The following PRKN variants were observed in gnomAD, a reference collection of about 807,000 sequenced individuals.
PRKN encodes E3 ubiquitin-protein ligase parkin.
In PRKN, 56 loss-of-function variants were observed where a neutral mutation model predicts 59.5. The ratio of observed to expected loss-of-function variants is 0.94; its 90% CI spans 0.76 to 1.18. PRKN has a LOEUF of 1.18. Ranked by LOEUF, PRKN falls within the 50% of genes most tolerant of loss-of-function variation. PRKN has a pLI of 0.00. For missense variants in PRKN, 657 were observed against 596.4 expected, an observed-to-expected ratio of 1.10 and a Z score of -1.06; for synonymous variants, 250 against 222.1, an observed-to-expected ratio of 1.13 and a Z score of -1.12.
intron 4 of PRKN, among the ~76,000 whole-genome samples, chr6:162,128,265 A>T (rs1432302730): frequency 6.6e-6 from 1 of 152,196 alleles, no homozygotes; most frequent in Non-Finnish European, 1.5e-5. Context: ...AGTAAATGAA[A>T]GTGTGAAGTG....
intron 6 of PRKN, among the ~76,000 whole-genome samples, chr6:161,914,696 A>G (rs1391059867): frequency 1.3e-5 from 2 of 152,058 alleles, no homozygotes; most frequent in Non-Finnish European, 2.9e-5. Flanking sequence ...GGTTGGTACC[A>G]TGCAAACACT....
In PRKN at chr6:161,581,656, G is replaced by A. The variant is rs1205935058; in HGVS notation, c.872-12240C>T. Among the ~76,000 whole-genome samples the A allele has an allele frequency of 6.6e-6, 1 of 152,146 alleles. No individual in the cohort carries two copies. Among genetic ancestry groups the A allele is most frequent in the African/African-American group, 2.4e-5 (1 of 41,428 alleles). On this transcript the variant is annotated intron_variant, in intron 7 of 11. Coordinates refer to ENST00000366898, the MANE Select transcript of PRKN (RefSeq NM_004562.3). The surrounding 1 kb of genome is among the most constrained non-coding windows in gnomAD (Gnocchi z 4.5). ...GTGAGCAAGAGACAGGAAATAGAAT[G>A]GAAGAAATGAAGGAAAAATGGAATC...
rs1352033135 is a variant in PRKN, at chr6:161,395,003, G to A, written c.1084-8126C>T. Among the ~76,000 whole-genome samples, 1 of 152,024 alleles carries A rather than the reference G, an allele frequency of 6.6e-6. No individual in the cohort carries two copies. The highest frequency in any genetic ancestry group is 1.5e-5 in the Non-Finnish European group (1 of 68,010). On this transcript the variant is annotated intron_variant, in intron 9 of 11. Transcript: ENST00000366898. The surrounding 1 kb of genome is among the most constrained non-coding windows in gnomAD (Gnocchi z 5.0). ...ACTGAAATATCATTTGCAGAGTCAT[G>A]GATTTTTAAAAAGTAGGTATTCTTT...
At chr6:162,347,864 T>C (rs1330721953) in intron 2 of PRKN, among the ~76,000 whole-genome samples, 4 of 152,176 alleles carry the variant, frequency 2.6e-5, no homozygotes, top group African/African-American at 7.2e-5. Flanking sequence ...TAACAATCCC[T>C]AAGAGACAGA....
At chr6:162,693,238 G>C (rs1777844771) in intron 1 of PRKN, among the ~76,000 whole-genome samples, 1 of 152,170 alleles carries the variant, frequency 6.6e-6, no homozygotes, top group South Asian at 2.1e-4. Context: ...GGTCGTGCCT[G>C]AAGTAGCCAT....
intron 1 of PRKN, among the ~76,000 whole-genome samples, chr6:162,669,833 T>C (rs982564037): frequency 2.6e-5 from 4 of 152,284 alleles, no homozygotes; most frequent in Non-Finnish European, 4.4e-5. Context: ...TAAGAGATTA[T>C]AGGATTGAGG....
At chr6:162,134,533 G>T (rs1208440732) in intron 4 of PRKN, among the ~76,000 whole-genome samples, 1 of 152,136 alleles carries the variant, frequency 6.6e-6, no homozygotes, top group Non-Finnish European at 1.5e-5. Flanking sequence ...AATGGGCCCA[G>T]ACACTTCAAG....
intron 7 of PRKN, among the ~76,000 whole-genome samples, chr6:161,629,586 C>A (rs2128153928): frequency 6.6e-6 from 1 of 152,260 alleles, no homozygotes; most frequent in East Asian, 1.9e-4. Flanking sequence ...CATGACTCTG[C>A]CAACCTCCCA....
intron 7 of PRKN, among the ~76,000 whole-genome samples, chr6:161,758,267 C>G (rs1789037672): frequency 6.6e-6 from 1 of 152,088 alleles, no homozygotes; most frequent in Non-Finnish European, 1.5e-5. Flanking sequence ...TGTACAAAGA[C>G]TTGCATAAAA....
chr6:162,570,150 G>C (rs549263199), intron 1 of PRKN, among the ~76,000 whole-genome samples: 5 of 152,256 alleles, frequency 3.3e-5, no homozygotes, highest in Non-Finnish European at 7.4e-5. Flanking sequence ...CAAAAGATTT[G>C]AACAGACATT....
intron 6 of PRKN, among the ~76,000 whole-genome samples, chr6:161,920,769 A>G (rs889298323): frequency 6.6e-6 from 1 of 151,558 alleles, no homozygotes; most frequent in Non-Finnish European, 1.5e-5. Flanking sequence ...CAGCCTGGCA[A>G]CAGAGTGAGA....
At chr6:162,706,072 C>T (rs1456680780) in intron 1 of PRKN, among the ~76,000 whole-genome samples, 2 of 148,974 alleles carry the variant, frequency 1.3e-5, no homozygotes, top group East Asian at 4.0e-4. Flanking sequence ...AATGTTATTT[C>T]ATTGTGGTGT....
At chr6:162,333,159 G>A (rs1203706834) in intron 2 of PRKN, among the ~76,000 whole-genome samples, 1 of 151,516 alleles carries the variant, frequency 6.6e-6, no homozygotes, top group African/African-American at 2.4e-5. Flanking sequence ...TGTGAAAAGG[G>A]ACAAGTTACT....
At chr6:162,306,794 G>A (rs1248806248) in intron 2 of PRKN, among the ~76,000 whole-genome samples, 1 of 152,108 alleles carries the variant, frequency 6.6e-6, no homozygotes, top group Non-Finnish European at 1.5e-5. Context: ...AATGCCTATG[G>A]CCAACGAGGC....
chr6:161,520,558 A>C, intron 9 of PRKN, among the ~76,000 whole-genome samples: 1 of 152,060 alleles, frequency 6.6e-6, no homozygotes, highest in East Asian at 1.9e-4. Flanking sequence ...GAAATATTCT[A>C]GGAGGAGGAA....
chr6:162,111,149 G>C (rs1780415882), intron 4 of PRKN, among the ~76,000 whole-genome samples: 1 of 152,142 alleles, frequency 6.6e-6, no homozygotes, highest in Admixed American at 6.6e-5. Flanking sequence ...CATGGTGATG[G>C]AACAGGATGA....
At chr6:161,787,494 AC>A (rs1323790668) in intron 6 of PRKN, among the ~76,000 whole-genome samples, 1 of 152,202 alleles carries the variant, frequency 6.6e-6, no homozygotes, top group Non-Finnish European at 1.5e-5. Context: ...GCTGTATTCT[AC>A]CTTTTTCTCT....
intron 3 of PRKN, among the ~76,000 whole-genome samples, chr6:162,223,612 GACACACACACACACAC>G (rs34881644): frequency 2.3e-4 from 30 of 129,306 alleles, no homozygotes; most frequent in Admixed American, 3.1e-4. Flanking sequence ...ATAGACACGT[GACACACACACACACAC>G]ACACACACAC....
intron 1 of PRKN, among the ~76,000 whole-genome samples, chr6:162,680,907 A>C (rs1404984256): frequency 6.6e-6 from 1 of 152,278 alleles, no homozygotes; most frequent in Admixed American, 6.5e-5. Context: ...TATTGTTTTC[A>C]CAGCAGCCAC....
Sources: gnomAD v4.1 joint callset for allele counts (sites outside exome capture counted in the v4.1 genomes callset) on GRCh38, gnomAD v4.1.1 for gene constraint, Gnocchi (gnomAD v3.1) non-coding constraint, MANE v1.5 for transcripts, NCBI Gene and HGNC (gene_info 2026-07-23, HGNC 2026-07-21) for gene names.